KCNK13: variants seen among roughly 807,000 people sequenced by gnomAD.
KCNK13 encodes the protein potassium channel subfamily K member 13.
A neutral mutation model predicts 23.4 loss-of-function variants in KCNK13; 12 were observed. The ratio of observed to expected loss-of-function variants is 0.51; its 90% CI spans 0.33 to 0.83. The LOEUF is 0.83. Ranked by LOEUF, KCNK13 falls within the 40% of genes least tolerant of loss-of-function variation. The pLI is 0.02. For synonymous variants in KCNK13, 231 were observed against 229.5 expected (o/e 1.01, Z -0.06); for missense variants, 463 against 556.3 (o/e 0.83, Z 1.69).
At chr14:90,075,300 GA>G (rs1468116002) in intron 1 of KCNK13, among the ~76,000 whole-genome samples, 2 of 152,130 alleles carry the variant, frequency 1.3e-5, no homozygotes, top group Non-Finnish European at 2.9e-5. Flanking sequence ...TGGTGATACA[GA>G]ATCTTTCAGC....
chr14:90,126,278 A>G (rs1889798621), intron 1 of KCNK13, among the ~76,000 whole-genome samples: 1 of 152,118 alleles, frequency 6.6e-6, no homozygotes, highest in Non-Finnish European at 1.5e-5. Context: ...GGCTGTGCAT[A>G]GTGACTTCCT....
intron 1 of KCNK13, among the ~76,000 whole-genome samples, chr14:90,077,896 C>T (rs1889159429): frequency 6.6e-6 from 1 of 152,182 alleles, no homozygotes; most frequent in Non-Finnish European, 1.5e-5. Flanking sequence ...AACAGAATCA[C>T]GAAACCTTTC....
intron 1 of KCNK13, among the ~76,000 whole-genome samples, chr14:90,156,596 G>A (rs1176870918): frequency 1.3e-5 from 2 of 152,110 alleles, no homozygotes; most frequent in Non-Finnish European, 2.9e-5. Flanking sequence ...TGTGAGCCAG[G>A]GACTGAAATA....
chr14:90,092,171 C>T (rs986387393), intron 1 of KCNK13, among the ~76,000 whole-genome samples: 1 of 152,168 alleles, frequency 6.6e-6, no homozygotes, highest in Admixed American at 6.5e-5. Flanking sequence ...ATCTGCCCGC[C>T]TTGGCCTCCC....
chr14:90,126,244 A>T (rs1285871100), intron 1 of KCNK13, among the ~76,000 whole-genome samples: 1 of 152,120 alleles, frequency 6.6e-6, no homozygotes, highest in African/African-American at 2.4e-5. Flanking sequence ...GAAGTGGGCC[A>T]TGAACTCCCC....
At chr14:90,072,988 A>C (rs1339233016) in intron 1 of KCNK13, among the ~76,000 whole-genome samples, 1 of 152,162 alleles carries the variant, frequency 6.6e-6, no homozygotes, top group Non-Finnish European at 1.5e-5. Flanking sequence ...TCATGTTGCA[A>C]ACAAGGATCC....
intron 1 of KCNK13, among the ~76,000 whole-genome samples, chr14:90,090,274 A>G (rs1189390473): frequency 3.3e-5 from 5 of 152,246 alleles, no homozygotes; most frequent in Admixed American, 6.5e-5. Flanking sequence ...TTGCATCAGC[A>G]TGACCTGGAT....
chr14:90,143,150 T>A (rs117736546), intron 1 of KCNK13, among the ~76,000 whole-genome samples: 5 of 9,322 alleles, frequency 5.4e-4, no homozygotes, highest in African/African-American at 5.2e-4. Context: ...GCAGAAACTT[T>A]CTTTCTTTCT....
At chr14:90,125,623 A>G (rs759683539) in intron 1 of KCNK13, among the ~76,000 whole-genome samples, 3 of 83,468 alleles carry the variant, frequency 3.6e-5, no homozygotes, top group Admixed American at 1.5e-4. Context: ...ACACACACAC[A>G]CACGCGCACA....
intron 1 of KCNK13, among the ~76,000 whole-genome samples, chr14:90,176,965 A>G (rs1239833235): frequency 4.6e-5 from 7 of 152,206 alleles, no homozygotes; most frequent in Non-Finnish European, 8.8e-5. Flanking sequence ...GGTTGCAGTG[A>G]GCCAAGATCA....
chr14:90,134,453 C>A (rs1341819138), intron 1 of KCNK13, among the ~76,000 whole-genome samples: 2 of 152,072 alleles, frequency 1.3e-5, no homozygotes, highest in Non-Finnish European at 2.9e-5. Context: ...CAGAACTGAG[C>A]TGAAATTGGA....
At chr14:90,064,857 G>A (rs76324781) in intron 1 of KCNK13, among the ~76,000 whole-genome samples, 2 of 152,140 alleles carry the variant, frequency 1.3e-5, no homozygotes, top group Non-Finnish European at 2.9e-5. Context: ...TATCAGGCCC[G>A]TATTAGGCAC....
intron 1 of KCNK13, among the ~76,000 whole-genome samples, chr14:90,146,759 G>T (rs1566645689): frequency 6.6e-6 from 1 of 151,628 alleles, no homozygotes; most frequent in Non-Finnish European, 1.5e-5. Flanking sequence ...GTGTTCAAAG[G>T]TTTACACTTA....
intron 1 of KCNK13, among the ~76,000 whole-genome samples, chr14:90,112,571 G>A (rs1317170000): frequency 9.9e-5 from 15 of 152,162 alleles, no homozygotes; most frequent in Admixed American, 9.8e-4. Context: ...AAAAATTGTT[G>A]CAAATGAGAA....
At chr14:90,150,077 A>T (rs1007579332) in intron 1 of KCNK13, among the ~76,000 whole-genome samples, 2 of 152,126 alleles carry the variant, frequency 1.3e-5, no homozygotes, top group Admixed American at 6.5e-5. Context: ...CGCTCAGAAG[A>T]GGGACCCATA....
At chr14:90,154,136 G>A (rs1486567470) in intron 1 of KCNK13, among the ~76,000 whole-genome samples, 3 of 152,198 alleles carry the variant, frequency 2.0e-5, no homozygotes, top group African/African-American at 7.2e-5. Flanking sequence ...CTATGAGAAT[G>A]TTCTGCCCTT....
chr14:90,092,174 G>A (rs1410524457), intron 1 of KCNK13, among the ~76,000 whole-genome samples: 1 of 152,108 alleles, frequency 6.6e-6, no homozygotes, highest in African/African-American at 2.4e-5. Context: ...TGCCCGCCTT[G>A]GCCTCCCAAA....
intron 1 of KCNK13, among the ~76,000 whole-genome samples, chr14:90,083,072 A>T (rs1889232403): frequency 6.6e-6 from 1 of 152,210 alleles, no homozygotes; most frequent in African/African-American, 2.4e-5. Flanking sequence ...TAAAAGAAAG[A>T]TCTGTTCAGA....
intron 1 of KCNK13, among the ~76,000 whole-genome samples, chr14:90,085,795 T>G (rs61996865): frequency 0.28 from 34,464 of 120,978 alleles, 4,550 homozygotes; most frequent in Non-Finnish European, 0.32. Flanking sequence ...ATTATATACT[T>G]TATATTATAT....
Sources: allele counts gnomAD v4.1 joint callset (sites outside exome capture counted in the v4.1 genomes callset), GRCh38; gene constraint gnomAD v4.1.1; transcripts MANE v1.5; gene names NCBI Gene and HGNC (gene_info 2026-07-23, HGNC 2026-07-21).